SLC35F1: variants seen among roughly 807,000 people sequenced by gnomAD.
SLC35F1 encodes the protein solute carrier family 35 member F1.
Under a neutral mutation model 48.7 loss-of-function variants are expected in SLC35F1, and 14 were observed. That is an observed-to-expected ratio of 0.29 (90% confidence interval 0.19 to 0.45). The LOEUF is 0.45. Among genes scored for constraint, SLC35F1 ranks in the 20% least tolerant of loss-of-function variants. The pLI, the probability that SLC35F1 is intolerant of heterozygous loss-of-function variation, is 1.00. For missense variants in SLC35F1, 404 were observed against 500.0 expected (o/e 0.81, Z 1.83); for synonymous variants, 190 against 202.2 (o/e 0.94, Z 0.51).
intron 1 of SLC35F1, among the ~76,000 whole-genome samples, chr6:117,976,209 A>T (rs1776703796): frequency 6.6e-6 from 1 of 152,210 alleles, no homozygotes; most frequent in Non-Finnish European, 1.5e-5. Flanking sequence ...ATGTATTTTA[A>T]GGTTTTCATC....
rs190705766 is a variant in SLC35F1 at position 118,130,487 on chromosome 6, C to T, written c.174-23958C>T. Reference sequence around the variant, plus strand: ...CTCCATCTCAAACAAACAAAACAAACGAACAAACAAACAACAATAACAAAA... The same window carrying T: ...CTCCATCTCAAACAAACAAAACAAATGAACAAACAAACAACAATAACAAAA... On this transcript the variant is annotated intron_variant, in intron 1 of 7. Coordinates refer to ENST00000360388, the MANE Select transcript of SLC35F1 (RefSeq NM_001029858.4). Among the ~76,000 whole-genome samples, 21 of 152,048 alleles carry T rather than the reference C, an allele frequency of 1.4e-4. No homozygotes were observed. In the East Asian group the frequency reaches 3.1e-3, roughly 22 times the overall value.
At chr6:118,172,551 G>T (rs548397434) in intron 2 of SLC35F1, among the ~76,000 whole-genome samples, 1 of 152,290 alleles carries the variant, frequency 6.6e-6, no homozygotes, top group African/African-American at 2.4e-5. Context: ...CTAGATAACT[G>T]CTGTGTGAAT....
intron 1 of SLC35F1, among the ~76,000 whole-genome samples, chr6:117,994,820 A>G (rs150215825): frequency 1.8e-4 from 28 of 152,328 alleles, no homozygotes; most frequent in African/African-American, 6.3e-4. Flanking sequence ...ATAAGTACAT[A>G]TATATATATC....
chr6:118,316,422 T>C lies in SLC35F1; in HGVS notation c.*2170T>C, dbSNP rs1187072094. On this transcript the variant is annotated 3_prime_UTR_variant, in exon 8 of 8. Coordinates refer to ENST00000360388, the MANE Select transcript of SLC35F1 (RefSeq NM_001029858.4). ...ACCTTTCTCTGAATATTTTGTCCATTCAGATCCGAAGACCTTTAAAGACTG... is the reference window on the plus strand; with the variant it reads ...ACCTTTCTCTGAATATTTTGTCCATCCAGATCCGAAGACCTTTAAAGACTG... 1 of 152,674 alleles carries C rather than the reference T, an allele frequency of 6.5e-6. No homozygotes were observed. Among genetic ancestry groups the C allele is most frequent in the East Asian group, 1.9e-4 (1 of 5,202 alleles). 9.5% of individuals were successfully genotyped at this position (152,674 alleles called of 1,614,324 possible).
chr6:118,028,245 T>C (rs189477407), intron 1 of SLC35F1, among the ~76,000 whole-genome samples: 83 of 152,262 alleles, frequency 5.5e-4, no homozygotes, highest in South Asian at 1.4e-3. Flanking sequence ...TTTCTCTGTT[T>C]CCGCTTTCTC....
intron 2 of SLC35F1, among the ~76,000 whole-genome samples, chr6:118,225,442 A>C (rs551329256): frequency 5.3e-5 from 8 of 152,238 alleles, no homozygotes; most frequent in Non-Finnish European, 7.3e-5. Flanking sequence ...AACCATATGC[A>C]GAAGAGGGAA....
intron 1 of SLC35F1, among the ~76,000 whole-genome samples, chr6:118,054,041 A>G (rs527988713): frequency 7.1e-4 from 108 of 152,222 alleles, no homozygotes; most frequent in African/African-American, 2.6e-3. Flanking sequence ...TTTAAAGTGC[A>G]TTTCTTTGAT....
At chr6:118,139,733 G>A (rs995925872) in intron 1 of SLC35F1, among the ~76,000 whole-genome samples, 1 of 152,148 alleles carries the variant, frequency 6.6e-6, no homozygotes, top group Non-Finnish European at 1.5e-5. Flanking sequence ...ATTACTTGTA[G>A]CTGAAGCATG....
At chr6:118,270,595 AAGGAAAT>A (rs1775837924) in intron 4 of SLC35F1, among the ~76,000 whole-genome samples, 1 of 152,180 alleles carries the variant, frequency 6.6e-6, no homozygotes, top group Non-Finnish European at 1.5e-5. Flanking sequence ...AGCTCACTTG[AAGGAAAT>A]GTCTTTTCCA....
At chr6:118,002,349 G>C (rs1479965182) in intron 1 of SLC35F1, among the ~76,000 whole-genome samples, 1 of 151,846 alleles carries the variant, frequency 6.6e-6, no homozygotes, top group African/African-American at 2.4e-5. Flanking sequence ...ACTATCGCAA[G>C]GACAAAAAAC....
intron 1 of SLC35F1, among the ~76,000 whole-genome samples, chr6:118,152,929 G>A (rs1295697115): frequency 6.6e-6 from 1 of 152,180 alleles, no homozygotes; most frequent in Non-Finnish European, 1.5e-5. Flanking sequence ...ATGTTTAAAA[G>A]TATGTCTTTG....
At chr6:118,104,411 T>G (rs947497461) in intron 1 of SLC35F1, among the ~76,000 whole-genome samples, 1 of 152,206 alleles carries the variant, frequency 6.6e-6, no homozygotes, top group Non-Finnish European at 1.5e-5. Flanking sequence ...ATAATAATAT[T>G]GAGCTTATAA....
chr6:118,165,162 A>C (rs1774299220), intron 2 of SLC35F1, among the ~76,000 whole-genome samples: 2 of 152,196 alleles, frequency 1.3e-5, no homozygotes, highest in Admixed American at 1.3e-4. Context: ...AAGTGGAGAA[A>C]ACAATTTCCT....
At chr6:118,165,826 G>A (rs535891088) in intron 2 of SLC35F1, among the ~76,000 whole-genome samples, 11 of 152,320 alleles carry the variant, frequency 7.2e-5, no homozygotes, top group African/African-American at 2.6e-4. Context: ...AGATACTTTG[G>A]AAGACCCTAT....
intron 1 of SLC35F1, among the ~76,000 whole-genome samples, chr6:118,026,391 C>T (rs9387539): frequency 0.3 from 46,041 of 152,080 alleles, 7,800 homozygotes; most frequent in African/African-American, 0.44. Context: ...ACAGATAATA[C>T]ATTTAGTTTA....
chr6:118,034,584 A>C (rs1028968012), intron 1 of SLC35F1, among the ~76,000 whole-genome samples: 3 of 152,048 alleles, frequency 2.0e-5, no homozygotes, highest in Non-Finnish European at 4.4e-5. Flanking sequence ...TAAATAAATA[A>C]TCAATCAATA....
At chr6:118,287,694 C>T (rs1305841822) in intron 7 of SLC35F1, among the ~76,000 whole-genome samples, 7 of 152,176 alleles carry the variant, frequency 4.6e-5, no homozygotes, top group South Asian at 2.1e-4. Flanking sequence ...ACAGTGTACT[C>T]GAACAGTGCC....
chr6:118,261,068 T>G (rs1333205779), intron 3 of SLC35F1, among the ~76,000 whole-genome samples: 1 of 152,238 alleles, frequency 6.6e-6, no homozygotes, highest in Non-Finnish European at 1.5e-5. Flanking sequence ...ACAATCACTC[T>G]TATAAAGTTA....
intron 1 of SLC35F1, among the ~76,000 whole-genome samples, chr6:118,147,447 G>A (rs865777601): frequency 1.6e-4 from 24 of 152,160 alleles, no homozygotes; most frequent in African/African-American, 5.1e-4. Context: ...CACTGGAGCT[G>A]GAGTAAGTGC....
Sources: gnomAD v4.1 joint callset for allele counts (sites outside exome capture counted in the v4.1 genomes callset) on GRCh38, gnomAD v4.1.1 for gene constraint, MANE v1.5 for transcripts, NCBI Gene and HGNC (gene_info 2026-07-23, HGNC 2026-07-21) for gene names.